The following RELN variants were observed in gnomAD, a reference collection of about 807,000 sequenced individuals.
The protein encoded by RELN is reelin.
In RELN, 108 loss-of-function variants were observed where a neutral mutation model predicts 427.6. The ratio of observed to expected loss-of-function variants is 0.25; its 90% CI spans 0.22 to 0.30. The LOEUF is 0.30. Ranked by LOEUF, RELN falls within the 10% of genes least tolerant of loss-of-function variation. The probability of loss-of-function intolerance (pLI) is 1.00; values close to 1 mark genes in which losing one functional copy is unlikely to be tolerated. For synonymous variants in RELN, 1,524 were observed against 1,513.4 expected, an observed-to-expected ratio of 1.01 and a Z score of -0.16; for missense variants, 3,715 against 4,302.8, an observed-to-expected ratio of 0.86 and a Z score of 3.82.
chr7:103,739,536 G>A (rs547355567), intron 6 of RELN, among the ~76,000 whole-genome samples: 3 of 152,278 alleles, frequency 2.0e-5, no homozygotes, highest in East Asian at 3.9e-4. Flanking sequence ...GGGTTCAATG[G>A]CACATTGGAA....
intron 10 of RELN, among the ~76,000 whole-genome samples, chr7:103,696,339 T>C (rs1276008475): frequency 1.3e-5 from 2 of 152,142 alleles, no homozygotes; most frequent in Non-Finnish European, 2.9e-5. Context: ...GGCAAGCCCA[T>C]GATTTGAATC....
intron 49 of RELN, among the ~76,000 whole-genome samples, chr7:103,517,276 G>GA (rs3840640): frequency 0.42 from 63,057 of 151,572 alleles, 16,047 homozygotes; most frequent in African/African-American, 0.72. Context: ...TCAGTTTCTG[G>GA]GGGACACACA....
intron 42 of RELN, 29 bp downstream of exon 42, chr7:103,545,095 A>T: frequency 6.4e-7 from 1 of 1,563,542 alleles, no homozygotes; most frequent in Non-Finnish European, 8.8e-7. Context: ...CTTTCACAAG[A>T]CTACATAGAA....
At chr7:103,623,277 A>C (rs780805515) in intron 20 of RELN, among the ~76,000 whole-genome samples, 2 of 152,258 alleles carry the variant, frequency 1.3e-5, no homozygotes, top group Non-Finnish European at 2.9e-5. Context: ...TTCCTTCAGC[A>C]GTACAATTTT....
At chr7:103,733,325 C>A (rs2115964338) in intron 6 of RELN, among the ~76,000 whole-genome samples, 2 of 149,488 alleles carry the variant, frequency 1.3e-5, no homozygotes, top group African/African-American at 4.9e-5. Context: ...AATAGGAACA[C>A]TTTTACACTG....
intron 2 of RELN, among the ~76,000 whole-genome samples, chr7:103,872,028 A>AT (rs142665123): frequency 0.014 from 1,453 of 104,764 alleles, 27 homozygotes; most frequent in African/African-American, 0.044. Context: ...ATATATATAT[A>AT]TATTTTTCTT....
chr7:103,989,387 C>A lies in RELN; in HGVS notation c.-31G>T. On this transcript the variant is annotated 5_prime_UTR_variant, in exon 1 of 65. Coordinates refer to ENST00000428762, the MANE Select transcript of RELN (RefSeq NM_005045.4). The surrounding 1 kb of genome is among the most constrained non-coding windows in gnomAD (Gnocchi z 4.9). Reference sequence around the variant, plus strand: ...CGCCGCCGCCGCCGCCGCCGCGCGCCCTACGCGCCGCTCGCTCATTCAGTT... The same window carrying A: ...CGCCGCCGCCGCCGCCGCCGCGCGCACTACGCGCCGCTCGCTCATTCAGTT... The A allele has an allele frequency of 1.2e-6, 1 of 842,522 alleles. No homozygotes were observed. The highest frequency in any genetic ancestry group is 1.6e-6 in the Non-Finnish European group (1 of 628,510). 52.2% of individuals were successfully genotyped at this position (842,522 alleles called of 1,614,324 possible).
intron 6 of RELN, among the ~76,000 whole-genome samples, chr7:103,742,678 G>C (rs149016802): frequency 0.14 from 21,092 of 152,090 alleles, 1,620 homozygotes; most frequent in Middle Eastern, 0.28. Flanking sequence ...GATGGAAGAT[G>C]AAATGAATGA....
At chr7:103,744,047 A>T (rs1329357820) in intron 6 of RELN, among the ~76,000 whole-genome samples, 1 of 152,190 alleles carries the variant, frequency 6.6e-6, no homozygotes, top group Non-Finnish European at 1.5e-5. Context: ...AAAGAACAGA[A>T]ATTATAATAA....
rs80111896 is a variant in RELN at position 103,895,854 on chromosome 7, T to C, written c.337+21221A>G. Among the ~76,000 whole-genome samples the C allele has an allele frequency of 9.6e-3, 1,466 of 152,048 alleles. 15 individuals carry two copies. Among genetic ancestry groups the C allele is most frequent in the South Asian group, 0.031 (151 of 4,810 alleles). ...AAGAAAAAAATGATAAATTAGAATTTATCAAAATAAACTACTCAACTTAAG... is the reference window on the plus strand; with the variant it reads ...AAGAAAAAAATGATAAATTAGAATTCATCAAAATAAACTACTCAACTTAAG... On this transcript the variant is annotated intron_variant, in intron 2 of 64. Transcript: ENST00000428762.
At chr7:103,930,307 C>T (rs1795832454) in intron 1 of RELN, among the ~76,000 whole-genome samples, 1 of 152,070 alleles carries the variant, frequency 6.6e-6, no homozygotes, top group South Asian at 2.1e-4. Context: ...TGGATTAGGG[C>T]CATCCCAATG....
intron 1 of RELN, among the ~76,000 whole-genome samples, chr7:103,962,338 T>C (rs1305903154): frequency 6.6e-6 from 1 of 152,078 alleles, no homozygotes; most frequent in African/African-American, 2.4e-5. Context: ...ACTTCAGAAC[T>C]GCGGCACTCT....
intron 2 of RELN, among the ~76,000 whole-genome samples, chr7:103,851,012 C>T (rs1024969214): frequency 1.3e-5 from 2 of 152,102 alleles, no homozygotes; most frequent in Admixed American, 6.5e-5. Flanking sequence ...AGAAGTCATT[C>T]GAAAAAGATA....
intron 4 of RELN, among the ~76,000 whole-genome samples, chr7:103,768,663 T>G (rs1791486589): frequency 6.6e-6 from 1 of 152,162 alleles, no homozygotes; most frequent in Admixed American, 6.5e-5. Context: ...CAAACATGAT[T>G]AAATGTTAAA....
chr7:103,865,846 G>A (rs1794185490), intron 2 of RELN, among the ~76,000 whole-genome samples: 1 of 152,156 alleles, frequency 6.6e-6, no homozygotes. Flanking sequence ...AACAAGGTAA[G>A]GATGCCCACT....
In RELN at chr7:103,881,519, T is replaced by C. The variant is rs186169653; in HGVS notation, c.337+35556A>G. 2.2e-3 allele frequency among the ~76,000 whole-genome samples: 331 copies of C among 152,260 alleles called. 3 individuals are homozygous for C. Among genetic ancestry groups the C allele is most frequent in the African/African-American group, 7.1e-3 (294 of 41,570 alleles). On this transcript the variant is annotated intron_variant, in intron 2 of 64. Coordinates refer to ENST00000428762, the MANE Select transcript of RELN (RefSeq NM_005045.4). Reference sequence around the variant, plus strand: ...CCCTTCTTGCTGCCCCTTTATGTCATTGACCTACTTCCAGTTCCCTGAATG... The same window carrying C: ...CCCTTCTTGCTGCCCCTTTATGTCACTGACCTACTTCCAGTTCCCTGAATG...
chr7:103,770,913 C>CTTTTT (rs751942279), intron 4 of RELN, among the ~76,000 whole-genome samples: 1 of 119,118 alleles, frequency 8.4e-6, no homozygotes, highest in Non-Finnish European at 1.7e-5. Flanking sequence ...CAATCGCTTA[C>CTTTTT]TTTTTTTTTT....
chr7:103,965,556 C>T (rs1046466656), intron 1 of RELN, among the ~76,000 whole-genome samples: 5 of 152,140 alleles, frequency 3.3e-5, no homozygotes, highest in African/African-American at 7.2e-5. Flanking sequence ...GACTCTGTCA[C>T]GTATTTTGAT....
At chr7:103,514,262 T>TAACA (rs953673459) in intron 50 of RELN, among the ~76,000 whole-genome samples, 1 of 152,184 alleles carries the variant, frequency 6.6e-6, no homozygotes, top group Non-Finnish European at 1.5e-5. Flanking sequence ...TCATGTAGTA[T>TAACA]AACAAATATG....
Sources: allele counts gnomAD v4.1 joint callset (sites outside exome capture counted in the v4.1 genomes callset), GRCh38; gene constraint gnomAD v4.1.1; non-coding constraint Gnocchi (gnomAD v3.1); transcripts MANE v1.5; gene names NCBI Gene and HGNC (gene_info 2026-07-23, HGNC 2026-07-21).